Variants in SAXO1 observed in about 807,000 individuals in gnomAD.
The protein encoded by SAXO1 is stabilizer of axonemal microtubules 1, also known as 4930500O09Rik.
A neutral mutation model predicts 17.5 loss-of-function variants in SAXO1; 21 were observed. The ratio of observed to expected loss-of-function variants is 1.20; its 90% CI spans 0.85 to 1.72. The LOEUF (loss-of-function observed/expected upper bound fraction) is 1.72. Among genes scored for constraint, SAXO1 ranks in the 40% most tolerant of loss-of-function variants. The pLI is 0.00. For synonymous variants in SAXO1, 274 were observed against 216.5 expected (o/e 1.27, Z -2.33); for missense variants, 843 against 596.0 (o/e 1.41, Z -4.32).
intron 1 of SAXO1, among the ~76,000 whole-genome samples, chr9:18,986,020 A>G (rs2131830474): frequency 6.6e-6 from 1 of 152,316 alleles, no homozygotes; most frequent in East Asian, 1.9e-4. Context: ...CAGGCCTGGA[A>G]TTTTTTTAAA....
At chr9:18,945,315 T>G (rs1251373598) in intron 2 of SAXO1, among the ~76,000 whole-genome samples, 1 of 152,210 alleles carries the variant, frequency 6.6e-6, no homozygotes, top group Non-Finnish European at 1.5e-5. Context: ...TGGTTGTTCA[T>G]AGCATCCATC....
intron 1 of SAXO1, among the ~76,000 whole-genome samples, chr9:18,957,925 C>T (rs902786751): frequency 1.3e-5 from 2 of 151,666 alleles, no homozygotes; most frequent in Non-Finnish European, 2.9e-5. Context: ...TATGATATAC[C>T]CAGAGGCCAA....
At chr9:18,972,558 C>CA (rs1481244660) in intron 1 of SAXO1, among the ~76,000 whole-genome samples, 1 of 152,146 alleles carries the variant, frequency 6.6e-6, no homozygotes, top group South Asian at 2.1e-4. Flanking sequence ...AGAAGGTCTA[C>CA]AAAAAAACTC....
chr9:18,983,422 G>A (rs1833476630), intron 1 of SAXO1, among the ~76,000 whole-genome samples: 1 of 152,122 alleles, frequency 6.6e-6, no homozygotes, highest in South Asian at 2.1e-4. Flanking sequence ...CAACATGTAG[G>A]CATTATAATT....
At chr9:18,969,815 T>C (rs903280615) in intron 1 of SAXO1, among the ~76,000 whole-genome samples, 1 of 152,224 alleles carries the variant, frequency 6.6e-6, no homozygotes, top group Non-Finnish European at 1.5e-5. Context: ...ATTATTACTT[T>C]TGCTATGGCT....
intron 1 of SAXO1, among the ~76,000 whole-genome samples, chr9:18,997,211 T>G (rs746547669): frequency 3.9e-5 from 6 of 152,232 alleles, no homozygotes; most frequent in Non-Finnish European, 5.9e-5. Context: ...CATGAGTGAC[T>G]ATACCTGGAG....
At chr9:19,016,820 T>A (rs1054456554) in intron 1 of SAXO1, among the ~76,000 whole-genome samples, 3 of 143,156 alleles carry the variant, frequency 2.1e-5, no homozygotes, top group African/African-American at 5.2e-5. Flanking sequence ...TTTTTTTTTT[T>A]AGCTACCTAA....
At chr9:18,999,073 T>G (rs139067552) in intron 1 of SAXO1, among the ~76,000 whole-genome samples, 206 of 152,344 alleles carry the variant, frequency 1.4e-3, no homozygotes, top group African/African-American at 4.9e-3. Flanking sequence ...CCAGCTAGCA[T>G]CATAATGACA....
At chr9:18,958,867 G>T (rs1347187825) in intron 1 of SAXO1, among the ~76,000 whole-genome samples, 1 of 27,856 alleles carries the variant, frequency 3.6e-5, no homozygotes, top group Non-Finnish European at 2.3e-4. Flanking sequence ...TGCTCGAAGA[G>T]AAGAGGAAGG....
chr9:18,943,301 G>A (rs889646073), intron 2 of SAXO1, among the ~76,000 whole-genome samples: 1 of 152,140 alleles, frequency 6.6e-6, no homozygotes, highest in African/African-American at 2.4e-5. Context: ...ATTCAGCCTG[G>A]GCTCCCTTCC....
At chr9:18,942,576 C>G (rs73648813) in intron 2 of SAXO1, among the ~76,000 whole-genome samples, 1 of 152,218 alleles carries the variant, frequency 6.6e-6, no homozygotes, top group Non-Finnish European at 1.5e-5. Context: ...AGTGAAATAA[C>G]TGGAAACCCT....
chr9:18,930,418 G>C (rs1830990279), intron 3 of SAXO1, among the ~76,000 whole-genome samples: 1 of 152,126 alleles, frequency 6.6e-6, no homozygotes, highest in Non-Finnish European at 1.5e-5. Context: ...GACCATCAGG[G>C]CCAGCACACC....
chr9:18,948,984 C>G lies in SAXO1; in HGVS notation c.218+1774G>C, dbSNP rs1831913950. 2.6e-5 allele frequency among the ~76,000 whole-genome samples: 4 copies of G among 152,280 alleles called. No homozygotes were observed. In the South Asian group the frequency reaches 8.3e-4, roughly 32 times the overall value. ...CGATTACATGTCCCTTATACATGTG[C>G]CTAGGACTCTTACTTGGTGTTGACC... On this transcript the variant is annotated intron_variant, in intron 2 of 3. Transcript: ENST00000380534.
In SAXO1 at chr9:18,928,112, G is replaced by A; in HGVS notation, c.1365C>T (p.Ser455=). The change falls in exon 4 of 4, where the codon AGC becomes AGT. Residue 455 remains serine (S), a synonymous_variant. Coordinates refer to ENST00000380534, the MANE Select transcript of SAXO1 (RefSeq NM_153707.4). The part of the protein sequence containing the change: ...PVSQAGSQQS[S]HLSVDDSENP... ...TTTCTGAATCATCTACAGAAAGATGGCTGCTCTGCTGAGAGCCTGCCTGGG... is the reference window on the plus strand; with the variant it reads ...TTTCTGAATCATCTACAGAAAGATGACTGCTCTGCTGAGAGCCTGCCTGGG... The A allele has an allele frequency of 6.2e-7, 1 of 1,613,982 alleles. No individual in the cohort carries two copies. Among genetic ancestry groups the A allele is most frequent in the Non-Finnish European group, 8.5e-7 (1 of 1,179,910 alleles).
At chr9:19,012,736 G>T (rs1221646034) in intron 1 of SAXO1, among the ~76,000 whole-genome samples, 4 of 152,162 alleles carry the variant, frequency 2.6e-5, no homozygotes, top group African/African-American at 4.8e-5. Flanking sequence ...TTTCTAAACA[G>T]AAAGTATACT....
intron 1 of SAXO1, among the ~76,000 whole-genome samples, chr9:19,002,760 A>G (rs995996914): frequency 3.3e-5 from 5 of 152,226 alleles, no homozygotes; most frequent in African/African-American, 1.2e-4. Context: ...AGTAAGAGCT[A>G]TTTATGACAA....
chr9:18,990,414 C>T (rs1833768823), intron 1 of SAXO1, among the ~76,000 whole-genome samples: 1 of 152,158 alleles, frequency 6.6e-6, no homozygotes, highest in African/African-American at 2.4e-5. Context: ...CTAATTAGAA[C>T]TAAATTCCTA....
intron 1 of SAXO1, among the ~76,000 whole-genome samples, chr9:19,016,798 CTTT>C (rs34423268): frequency 5.4e-5 from 6 of 111,284 alleles, no homozygotes; most frequent in East Asian, 2.5e-4. Context: ...TAACATCTGA[CTTT>C]TTTTTTTTTT....
At chr9:18,975,641 A>T (rs937341960) in intron 1 of SAXO1, among the ~76,000 whole-genome samples, 3 of 152,252 alleles carry the variant, frequency 2.0e-5, no homozygotes, top group Non-Finnish European at 2.9e-5. Context: ...AGGCCTCTAC[A>T]GCAGTCCTAT....
Sources: allele counts gnomAD v4.1 joint callset (sites outside exome capture counted in the v4.1 genomes callset), GRCh38; gene constraint gnomAD v4.1.1; transcripts MANE v1.5; gene names NCBI Gene and HGNC (gene_info 2026-07-23, HGNC 2026-07-21).